Variants in ZNF521 observed in about 807,000 individuals in gnomAD.
ZNF521 encodes LYST-interacting protein 3.
A neutral mutation model predicts 105.5 loss-of-function variants in ZNF521; 14 were observed. The ratio of observed to expected loss-of-function variants is 0.13; its 90% confidence interval spans 0.09 to 0.21. The LOEUF (loss-of-function observed/expected upper bound fraction) is 0.21. ZNF521 is among the 10% of genes least tolerant of loss of function. The probability of loss-of-function intolerance (pLI) is 1.00; values close to 1 mark genes in which losing one functional copy is unlikely to be tolerated. For synonymous variants in ZNF521, 635 were observed against 606.0 expected (o/e 1.05, Z -0.70); for missense variants, 1,233 against 1,629.7 (o/e 0.76, Z 4.19).
At chr18:25,248,428 T>C (rs1172648473) in intron 3 of ZNF521, among the ~76,000 whole-genome samples, 1 of 152,238 alleles carries the variant, frequency 6.6e-6, no homozygotes, top group Non-Finnish European at 1.5e-5. Flanking sequence ...CAACACTGAA[T>C]GTATATTATG....
chr18:25,168,416 C>A (rs1444015417), intron 5 of ZNF521, among the ~76,000 whole-genome samples: 1 of 152,108 alleles, frequency 6.6e-6, no homozygotes, highest in African/African-American at 2.4e-5. Context: ...AACAGTTGGT[C>A]CTCTACTGCT....
At chr18:25,337,180 G>A (rs560383477) in intron 2 of ZNF521, among the ~76,000 whole-genome samples, 2 of 152,212 alleles carry the variant, frequency 1.3e-5, no homozygotes, top group Non-Finnish European at 2.9e-5. Flanking sequence ...TGGAGGTGGG[G>A]GAACAAGACA....
At chr18:25,091,314 A>T (rs946126965) in intron 6 of ZNF521, among the ~76,000 whole-genome samples, 2 of 152,222 alleles carry the variant, frequency 1.3e-5, no homozygotes, top group African/African-American at 4.8e-5. Context: ...ATGGGCTTCA[A>T]ATGAGAGTTT....
intron 3 of ZNF521, among the ~76,000 whole-genome samples, chr18:25,298,067 T>A (rs946679646): frequency 2.6e-5 from 4 of 152,202 alleles, no homozygotes; most frequent in African/African-American, 7.2e-5. Flanking sequence ...GGTGCCGATG[T>A]TGGTTATATA....
intron 3 of ZNF521, among the ~76,000 whole-genome samples, chr18:25,261,404 G>A (rs1209738349): frequency 6.6e-6 from 1 of 152,044 alleles, no homozygotes; most frequent in African/African-American, 2.4e-5. Flanking sequence ...TATGCTATTT[G>A]CCATTCTTGT....
chr18:25,269,456 G>T (rs1421169190), intron 3 of ZNF521, among the ~76,000 whole-genome samples: 2 of 152,116 alleles, frequency 1.3e-5, no homozygotes, highest in Non-Finnish European at 2.9e-5. Context: ...GACATCTACA[G>T]AACTCTCCAC....
At chr18:25,190,073 T>C (rs1265550420) in intron 5 of ZNF521, among the ~76,000 whole-genome samples, 3 of 152,174 alleles carry the variant, frequency 2.0e-5, no homozygotes, top group African/African-American at 2.4e-5. Context: ...AAACCCTTTA[T>C]GGGCTTTTCA....
At chr18:25,070,316 T>C (rs2033186636) in intron 7 of ZNF521, among the ~76,000 whole-genome samples, 1 of 152,170 alleles carries the variant, frequency 6.6e-6, no homozygotes, top group South Asian at 2.1e-4. Flanking sequence ...CTCTGGACAT[T>C]TGTGCTAACT....
At chr18:25,265,178 T>C (rs997183064) in intron 3 of ZNF521, among the ~76,000 whole-genome samples, 4 of 152,216 alleles carry the variant, frequency 2.6e-5, no homozygotes, top group Admixed American at 2.0e-4. Flanking sequence ...TCCTCTGTTC[T>C]GAACACTCAC....
At chr18:25,337,054 G>C (rs371366674) in intron 2 of ZNF521, among the ~76,000 whole-genome samples, 6 of 152,264 alleles carry the variant, frequency 3.9e-5, no homozygotes, top group African/African-American at 1.4e-4. Context: ...AACCCAGAGA[G>C]TCTAGTTTAA....
chr18:25,280,243 G>A (rs1166488124), intron 3 of ZNF521, among the ~76,000 whole-genome samples: 1 of 152,120 alleles, frequency 6.6e-6, no homozygotes, highest in African/African-American at 2.4e-5. Context: ...TGCCTCAAAT[G>A]TCTACACATA....
intron 7 of ZNF521, among the ~76,000 whole-genome samples, chr18:25,074,482 A>G (rs1295130188): frequency 6.6e-6 from 1 of 151,956 alleles, no homozygotes; most frequent in African/African-American, 2.4e-5. Flanking sequence ...GTATTGTTGA[A>G]AATTTCAGGT....
chr18:25,143,526 T>C (rs1376882056), intron 5 of ZNF521, among the ~76,000 whole-genome samples: 2 of 152,160 alleles, frequency 1.3e-5, no homozygotes, highest in African/African-American at 4.8e-5. Context: ...ACTGCTAGCC[T>C]TCAGTTTAAA....
At chr18:25,276,383 TA>T (rs1309513276) in intron 3 of ZNF521, among the ~76,000 whole-genome samples, 1 of 152,216 alleles carries the variant, frequency 6.6e-6, no homozygotes, top group African/African-American at 2.4e-5. Flanking sequence ...GTGAAGGCCT[TA>T]ATATTAGCTC....
chr18:25,289,379 T>C (rs1910881638), intron 3 of ZNF521, among the ~76,000 whole-genome samples: 1 of 152,218 alleles, frequency 6.6e-6, no homozygotes, highest in Admixed American at 6.5e-5. Flanking sequence ...TTAGAGAGCA[T>C]GCCACCAGCC....
intron 2 of ZNF521, among the ~76,000 whole-genome samples, chr18:25,322,555 C>A (rs868768095): frequency 8.5e-4 from 102 of 119,552 alleles, no homozygotes; most frequent in Middle Eastern, 5.3e-3. Context: ...AAAAAAAAAC[C>A]CCCCCACTGT....
At chr18:25,166,412 AT>A (rs2035342058) in intron 5 of ZNF521, among the ~76,000 whole-genome samples, 2 of 152,252 alleles carry the variant, frequency 1.3e-5, no homozygotes, top group Non-Finnish European at 2.9e-5. Flanking sequence ...AGTTAACTGG[AT>A]TTTTTTAAAC....
chr18:25,274,241 C>T (rs1407968026), intron 3 of ZNF521, among the ~76,000 whole-genome samples: 1 of 152,100 alleles, frequency 6.6e-6, no homozygotes, highest in East Asian at 1.9e-4. Context: ...CCAGCATACC[C>T]ACAAGAATTT....
intron 4 of ZNF521, among the ~76,000 whole-genome samples, chr18:25,200,272 C>G (rs922022396): frequency 6.6e-6 from 1 of 152,256 alleles, no homozygotes; most frequent in Admixed American, 6.5e-5. Flanking sequence ...AAGGAACTGT[C>G]GGTAGCCACG....
Sources: gnomAD v4.1 joint callset for allele counts (sites outside exome capture counted in the v4.1 genomes callset) on GRCh38, gnomAD v4.1.1 for gene constraint, MANE v1.5 for transcripts, NCBI Gene and HGNC (gene_info 2026-07-23, HGNC 2026-07-21) for gene names.